CD80: variants seen among roughly 807,000 people sequenced by gnomAD.
CD80 encodes the protein T-lymphocyte activation antigen CD80.
A neutral mutation model predicts 27.1 loss-of-function variants in CD80; 13 were observed. That is an observed-to-expected ratio of 0.48 (90% CI 0.31 to 0.76). The LOEUF (loss-of-function observed/expected upper bound fraction) is 0.76, where lower values mean the gene tolerates loss of function less well. Ranked by LOEUF, CD80 falls within the 30% of genes least tolerant of loss-of-function variation. The probability of loss-of-function intolerance (pLI) is 0.04; values close to 1 mark genes in which losing one functional copy is unlikely to be tolerated. For missense variants in CD80, 277 were observed against 347.9 expected, an observed-to-expected ratio of 0.80 and a Z score of 1.62; for synonymous variants, 125 against 125.5, an observed-to-expected ratio of 1.00 and a Z score of 0.03.
chr3:119,530,038 C>T, intron 4 of CD80, 101 bp from the exon 5 acceptor site: 1 of 793,900 alleles, frequency 1.3e-6, no homozygotes, highest in Non-Finnish European at 2.1e-6. Context: ...TATTCTTTGC[C>T]TGGTCAGCTC....
At chr3:119,538,096 A>G (rs2082149137) in intron 3 of CD80, among the ~76,000 whole-genome samples, 2 of 152,238 alleles carry the variant, frequency 1.3e-5, no homozygotes, top group South Asian at 2.1e-4. Flanking sequence ...TTGTCCTCAC[A>G]GAAACCCTAG....
At position 119,548,871 on chromosome 3, in the gene CD80, C is replaced by T. The variant is rs868421710; in HGVS notation, c.101-4004G>A. Among the ~76,000 whole-genome samples the T allele has an allele frequency of 3.3e-5, 5 of 152,164 alleles. No homozygotes were observed. The South Asian group carries it at 1.0e-3, about 32-fold the overall frequency. Reference sequence around the variant, plus strand: ...TCAACATGGTGAAACCCCATCTCTACTAAAAATACAAAAAAATTAGCCGGG... The same window carrying T: ...TCAACATGGTGAAACCCCATCTCTATTAAAAATACAAAAAAATTAGCCGGG... On this transcript the variant is annotated intron_variant, in intron 2 of 6. Coordinates refer to ENST00000264246, the MANE Select transcript of CD80 (RefSeq NM_005191.4).
intron 4 of CD80, 100 bp from the exon 5 acceptor site, chr3:119,530,037 C>T (rs2082101327): frequency 1.2e-6 from 1 of 813,728 alleles, no homozygotes; most frequent in Non-Finnish European, 2.0e-6. Context: ...GTATTCTTTG[C>T]CTGGTCAGCT....
At chr3:119,555,635 A>G (rs966487599) in intron 2 of CD80, among the ~76,000 whole-genome samples, 1 of 152,182 alleles carries the variant, frequency 6.6e-6, no homozygotes, top group African/African-American at 2.4e-5. Context: ...GGAAGACAGC[A>G]CTTCCTCAGG....
intron 2 of CD80, among the ~76,000 whole-genome samples, chr3:119,548,717 T>A (rs1022952215): frequency 5.3e-5 from 8 of 151,796 alleles, no homozygotes; most frequent in Non-Finnish European, 7.4e-5. Flanking sequence ...AATCCAGCCC[T>A]ACCACTGAGC....
At chr3:119,554,324 T>C (rs142943234) in intron 2 of CD80, among the ~76,000 whole-genome samples, 153 of 152,236 alleles carry the variant, frequency 1.0e-3, no homozygotes, top group Middle Eastern at 3.4e-3. Context: ...TATAAACTTA[T>C]AGGCAATGCT....
intron 2 of CD80, among the ~76,000 whole-genome samples, chr3:119,552,162 A>C (rs951812601): frequency 2.0e-5 from 3 of 152,190 alleles, no homozygotes; most frequent in Non-Finnish European, 4.4e-5. Context: ...GCTATTTGCC[A>C]ACAAGAGTAG....
chr3:119,557,613 C>T lies in CD80; in HGVS notation c.100+16G>A. On this transcript the variant is annotated intron_variant, in intron 2 of 6. Transcript: ENST00000264246. ...CTGTAGCAGTTGACTCAGTTAAGTT[C>T]CTGAAAGTTGCTTACCTGAACAGAA... 6.3e-7 allele frequency: 1 copy of T among 1,596,678 alleles called. No individual in the cohort carries two copies. The highest frequency in any genetic ancestry group is 8.6e-7 in the Non-Finnish European group (1 of 1,165,376).
At chr3:119,557,607 T>G (rs2082271537) in intron 2 of CD80, 22 bp downstream of exon 2, 2 of 1,577,072 alleles carry the variant, frequency 1.3e-6, no homozygotes, top group East Asian at 4.5e-5. Context: ...TTGACTCAGT[T>G]AAGTTCCTGA....
intron 4 of CD80, among the ~76,000 whole-genome samples, chr3:119,530,248 G>A (rs550478682): frequency 2.6e-5 from 4 of 152,190 alleles, no homozygotes; most frequent in Non-Finnish European, 5.9e-5. Context: ...TTTTATAGCT[G>A]ATTATAACTA....
At chr3:119,537,987 A>C (rs899871608) in intron 3 of CD80, among the ~76,000 whole-genome samples, 6 of 152,216 alleles carry the variant, frequency 3.9e-5, no homozygotes, top group Admixed American at 6.5e-5. Context: ...TCGTGTGAAT[A>C]AATGTTGCCA....
intron 6 of CD80, 176 bp downstream of exon 6, chr3:119,527,557 A>C: frequency 2.0e-6 from 1 of 506,168 alleles, no homozygotes; most frequent in Non-Finnish European, 3.5e-6. Context: ...TACATTAAGC[A>C]AATTGCATAT....
chr3:119,557,189 C>T (rs1171812048), intron 2 of CD80, among the ~76,000 whole-genome samples: 1 of 152,164 alleles, frequency 6.6e-6, no homozygotes, highest in Non-Finnish European at 1.5e-5. Flanking sequence ...ACTCTCCCGC[C>T]TTCAGATTGG....
intron 2 of CD80, among the ~76,000 whole-genome samples, chr3:119,549,028 C>T (rs2082216103): frequency 6.6e-6 from 1 of 151,368 alleles, no homozygotes; most frequent in Non-Finnish European, 1.5e-5. Flanking sequence ...CAGAGTGAGA[C>T]TCCGTCTCAA....
chr3:119,533,361 T>G (rs34844599), intron 4 of CD80, among the ~76,000 whole-genome samples: 2 of 151,624 alleles, frequency 1.3e-5, no homozygotes, highest in African/African-American at 4.8e-5. Context: ...TTGGTGAGAC[T>G]ACACTAAAAA....
chr3:119,538,388 G>A (rs981004405), intron 3 of CD80, among the ~76,000 whole-genome samples: 5 of 151,886 alleles, frequency 3.3e-5, no homozygotes, highest in South Asian at 2.1e-4. Flanking sequence ...AAACTATAGC[G>A]AACGCCTGAA....
chr3:119,527,555 G>T (rs1302697151), intron 6 of CD80, 178 bp downstream of exon 6: 2 of 503,680 alleles, frequency 4.0e-6, no homozygotes, highest in Non-Finnish European at 7.0e-6. Context: ...GTTACATTAA[G>T]CAAATTGCAT....
rs752552367 is a variant in CD80, at chr3:119,544,648, C to T, written c.320G>A (p.Arg107His). ...CTCGTATGTGCCCTCGTCAGATGGG[C>T]GCAGAGCCAGGATCACAATGGAGAG... ...NNLSIVILAL[R>H]PSDEGTYECV... is the part of the protein sequence containing the mutation. The change falls in exon 3 of 7, where the codon CGC (arginine) becomes CAC (histidine). Residue 107 changes from arginine (R) to histidine (H), a missense_variant. Physicochemically the swap from Arg to His is conservative, Grantham distance 29. Transcript: ENST00000264246. 32 of 1,614,034 alleles carry T rather than the reference C, an allele frequency of 2.0e-5. No homozygotes were observed. The highest frequency in any genetic ancestry group is 4.5e-5 in the East Asian group (2 of 44,894).
At chr3:119,555,077 C>A (rs534925246) in intron 2 of CD80, among the ~76,000 whole-genome samples, 26 of 152,302 alleles carry the variant, frequency 1.7e-4, no homozygotes, top group African/African-American at 5.1e-4. Context: ...CCCAGACCCA[C>A]CTAAGCAGAA....
Sources: gnomAD v4.1 joint callset for allele counts (sites outside exome capture counted in the v4.1 genomes callset) on GRCh38, gnomAD v4.1.1 for gene constraint, MANE v1.5 for transcripts, NCBI Gene and HGNC (gene_info 2026-07-23, HGNC 2026-07-21) for gene names.